Variants in TET1 observed in about 807,000 individuals in gnomAD.
TET1 encodes the protein tet methylcytosine dioxygenase 1.
Under a neutral mutation model 148.7 loss-of-function variants are expected in TET1, and 13 were observed. That is an observed-to-expected ratio of 0.09 (90% confidence interval 0.06 to 0.14). TET1 has a LOEUF of 0.14. Among genes scored for constraint, TET1 ranks in the 10% least tolerant of loss-of-function variants. The pLI, the probability that TET1 is intolerant of heterozygous loss-of-function variation, is 1.00. For missense variants in TET1, 2,182 were observed against 2,553.8 expected, an observed-to-expected ratio of 0.85 and a Z score of 3.14; for synonymous variants, 907 against 937.2, an observed-to-expected ratio of 0.97 and a Z score of 0.59.
intron 2 of TET1, among the ~76,000 whole-genome samples, chr10:68,591,032 T>C (rs1201227574): frequency 1.3e-5 from 2 of 151,996 alleles, no homozygotes; most frequent in African/African-American, 4.8e-5. Context: ...ATTTTGTATT[T>C]TTAGTAGAGA....
intron 3 of TET1, 51 bp downstream of exon 3, chr10:68,601,085 G>T (rs766361637): frequency 6.7e-7 from 1 of 1,495,704 alleles, no homozygotes; most frequent in South Asian, 1.2e-5. Flanking sequence ...ATTTCATATA[G>T]TATTTTTCTG....
chr10:68,624,880 C>G (rs948338177), intron 3 of TET1, among the ~76,000 whole-genome samples: 1 of 151,330 alleles, frequency 6.6e-6, no homozygotes, highest in African/African-American at 2.4e-5. Flanking sequence ...TACAGGAGTC[C>G]GCCATCACGC....
intron 2 of TET1, among the ~76,000 whole-genome samples, chr10:68,589,981 T>G (rs1309693811): frequency 6.6e-6 from 1 of 152,100 alleles, no homozygotes; most frequent in Non-Finnish European, 1.5e-5. Flanking sequence ...CTTCCAATTT[T>G]TATATTAAAT....
chr10:68,663,867 CA>C (rs763734918), intron 6 of TET1, among the ~76,000 whole-genome samples: 13 of 152,140 alleles, frequency 8.5e-5, no homozygotes, highest in Non-Finnish European at 1.9e-4. Flanking sequence ...CCTGCTGTAG[CA>C]AAAACCTCTA....
intron 11 of TET1, among the ~76,000 whole-genome samples, chr10:68,688,085 C>T (rs912600337): frequency 1.6e-4 from 24 of 152,130 alleles, no homozygotes; most frequent in African/African-American, 5.1e-4. Context: ...ACACCTGGCT[C>T]TTACCAGCTT....
intron 3 of TET1, among the ~76,000 whole-genome samples, chr10:68,612,967 T>G (rs373948927): frequency 1.3e-5 from 2 of 152,216 alleles, no homozygotes; most frequent in Non-Finnish European, 1.5e-5. Context: ...GTATTCACCT[T>G]TTTGTTCTCC....
chr10:68,608,864 T>A (rs985615897), intron 3 of TET1, among the ~76,000 whole-genome samples: 20 of 152,100 alleles, frequency 1.3e-4, no homozygotes, highest in Admixed American at 6.6e-5. Context: ...AAAAAAAATT[T>A]TTTTTAATAC....
chr10:68,618,666 C>T (rs1013997426), intron 3 of TET1, among the ~76,000 whole-genome samples: 1 of 152,134 alleles, frequency 6.6e-6, no homozygotes, highest in Non-Finnish European at 1.5e-5. Flanking sequence ...ACAAAAATTA[C>T]CTCTGAGTGA....
chr10:68,640,323 G>A (rs2054726208), intron 3 of TET1, among the ~76,000 whole-genome samples: 2 of 151,560 alleles, frequency 1.3e-5, no homozygotes, highest in Admixed American at 1.3e-4. Flanking sequence ...GAGTGCAGTG[G>A]CTCAATCTCG....
chr10:68,629,184 G>C (rs1338189133), intron 3 of TET1, among the ~76,000 whole-genome samples: 7 of 152,004 alleles, frequency 4.6e-5, no homozygotes, highest in Non-Finnish European at 1.0e-4. Flanking sequence ...GAACCACATG[G>C]TGAAACCCTG....
chr10:68,630,740 A>G (rs1564979247), intron 3 of TET1, among the ~76,000 whole-genome samples: 2 of 152,198 alleles, frequency 1.3e-5, no homozygotes, highest in Admixed American at 6.5e-5. Flanking sequence ...GATGCCAAGT[A>G]TGTGGACAAG....
intron 3 of TET1, among the ~76,000 whole-genome samples, chr10:68,636,981 T>TGTGTGTGTGTGTG (rs61255091): frequency 0.013 from 1,287 of 102,462 alleles, 51 homozygotes; most frequent in Admixed American, 0.065. Context: ...ATTTTACTCG[T>TGTGTGTGTGTGTG]TGTGTGTGTG....
intron 3 of TET1, among the ~76,000 whole-genome samples, chr10:68,624,791 G>A (rs2054451367): frequency 6.7e-6 from 1 of 148,932 alleles, no homozygotes; most frequent in Non-Finnish European, 1.5e-5. Flanking sequence ...GAGTGCAGTG[G>A]CGCAATCTCA....
intron 2 of TET1, among the ~76,000 whole-genome samples, chr10:68,585,838 T>C (rs1378639320): frequency 6.6e-6 from 1 of 151,608 alleles, no homozygotes; most frequent in Non-Finnish European, 1.5e-5. Flanking sequence ...TGAAACCCCG[T>C]CTCCACTAAA....
chr10:68,645,890 G>A lies in TET1; in HGVS notation c.3161G>A (p.Ser1054Asn), dbSNP rs771632357. 1.9e-6 allele frequency: 3 copies of A among 1,613,734 alleles called. No homozygotes were observed. The highest frequency in any genetic ancestry group is 2.7e-5 in the African/African-American group (2 of 74,816). The change falls in exon 4 of 12, where the codon AGC becomes AAC. Residue 1054 changes from serine (S) to asparagine (N), a missense_variant. Around this residue, in one of 11 missense-constraint regions of TET1, gnomAD observed 582 missense variants for 599.5 expected, o/e 0.97. Coordinates refer to ENST00000373644, the MANE Select transcript of TET1 (RefSeq NM_030625.3). ...GAGTATTGCAACCAGTTACTGGACAGCAGCAAAAAATTGGACTCAGATGAT... is the reference window on the plus strand; with the variant it reads ...GAGTATTGCAACCAGTTACTGGACAACAGCAAAAAATTGGACTCAGATGAT... ...EVEYCNQLLD[S>N]SKKLDSDDLS...
chr10:68,644,669 A>G, intron 3 of TET1, 29 bp from the exon 4 acceptor site: 1 of 1,522,506 alleles, frequency 6.6e-7, no homozygotes, highest in South Asian at 1.4e-5. Context: ...ATTTAAGTAG[A>G]TGACATAAGT....
chr10:68,613,196 A>G (rs2054241659), intron 3 of TET1, among the ~76,000 whole-genome samples: 1 of 152,248 alleles, frequency 6.6e-6, no homozygotes, highest in South Asian at 2.1e-4. Flanking sequence ...ATCAAGATAC[A>G]TATTTAATAC....
chr10:68,600,177 A>G (rs1388611607), intron 2 of TET1, among the ~76,000 whole-genome samples: 1 of 152,078 alleles, frequency 6.6e-6, no homozygotes, highest in African/African-American at 2.4e-5. Context: ...AAAATGCACA[A>G]TACCTTCCAG....
chr10:68,563,040 T>G (rs1696674558), intron 1 of TET1, among the ~76,000 whole-genome samples: 1 of 152,156 alleles, frequency 6.6e-6, no homozygotes, highest in Non-Finnish European at 1.5e-5. Context: ...TTCCTTCTCT[T>G]GCTTTTTCTT....
Sources: allele counts gnomAD v4.1 joint callset (sites outside exome capture counted in the v4.1 genomes callset), GRCh38; gene constraint gnomAD v4.1.1; regional missense constraint gnomAD v4.1.1; transcripts MANE v1.5; gene names NCBI Gene and HGNC (gene_info 2026-07-23, HGNC 2026-07-21).